The following EVC variants were observed in gnomAD, a reference collection of about 807,000 sequenced individuals.
EVC encodes the protein EvC ciliary complex subunit 1.
In EVC, 116 loss-of-function variants were observed where a neutral mutation model predicts 118.9. The ratio of observed to expected loss-of-function variants is 0.98; its 90% CI spans 0.84 to 1.14. EVC has a LOEUF of 1.14. Among genes scored for constraint, EVC ranks in the 50% most tolerant of loss-of-function variants. EVC has a pLI of 0.00. For missense variants in EVC, 1,401 were observed against 1,246.4 expected (o/e 1.12, Z -1.87); for synonymous variants, 619 against 534.7 (o/e 1.16, Z -2.18).
rs1728847392 is a variant in EVC, at chr4:5,743,064, G to A, written c.801+1250G>A. On this transcript the variant is annotated intron_variant, in intron 6 of 20. Transcript: ENST00000264956. The surrounding 1 kb of genome is among the most constrained non-coding windows in gnomAD (Gnocchi z 4.7). ...CAGGTTATTTAGAACTTTCTAAAAA[G>A]GGGACAGTAACTTCTGGGTTGTTGC... 1.3e-5 allele frequency among the ~76,000 whole-genome samples: 2 copies of A among 152,216 alleles called. No homozygotes were observed. The highest frequency in any genetic ancestry group is 4.1e-4 in the South Asian group (2 of 4,826).
intron 5 of EVC, among the ~76,000 whole-genome samples, chr4:5,736,821 C>T (rs2151966485): frequency 6.6e-6 from 1 of 152,300 alleles, no homozygotes; most frequent in Non-Finnish European, 1.5e-5. Context: ...TTGGGCCTCC[C>T]TATTTCTTGA....
Position 5,761,495 on chromosome 4 carries a change from C to T in EVC, c.1563+5133C>T, listed in dbSNP as rs914654404. Among the ~76,000 whole-genome samples the T allele has an allele frequency of 1.5e-3, 104 of 68,622 alleles. 1 individual carries two copies. The highest frequency in any genetic ancestry group is 5.9e-3 in the African/African-American group (99 of 16,890). The allele number at this position is 68,622 out of a possible 152,430, so 45.0% of individuals were successfully genotyped here. A position where few individuals can be genotyped will look rare whatever the true frequency, so the allele number is the denominator to read the frequency against. ...ATTTATACATTTTCCTTTAAAAAGG[C>T]GGGGGGCGGGGGGTGGTTGGGGGGT... On this transcript the variant is annotated intron_variant, in intron 11 of 20. Transcript: ENST00000264956.
At chr4:5,802,125 A>T (rs776357928) in intron 16 of EVC, 31 bp downstream of exon 16, 5 of 1,614,010 alleles carry the variant, frequency 3.1e-6, no homozygotes, top group Non-Finnish European at 3.4e-6. Flanking sequence ...GAAGCCCCAG[A>T]AGAGACTGGC....
At chr4:5,804,699 C>T (rs756379928) in intron 16 of EVC, 31 bp from the exon 17 acceptor site, 3 of 1,598,702 alleles carry the variant, frequency 1.9e-6, no homozygotes, top group Admixed American at 1.7e-5. Flanking sequence ...TCCAAACAGA[C>T]CCCTTGATTG....
rs143678893 is a variant in EVC at position 5,809,536 on chromosome 4, A to G, written c.2707A>G (p.Ile903Val). 263 of 1,614,214 alleles carry G rather than the reference A, an allele frequency of 1.6e-4. 1 individual carries two copies. In the African/African-American group the frequency reaches 2.9e-3, roughly 18 times the overall value. ...ATTTCAGGAAGCTGAACAGAACTTC[A>G]TCTCCGAGCTGGCAGCCTTGGCCCG... ...TQLQEAEQNF[I>V]SELAALARVP... The change falls in exon 19 of 21, where the codon ATC (isoleucine) becomes GTC (valine). Residue 903 changes from isoleucine (I) to valine (V), a missense_variant. Coordinates refer to ENST00000264956, the MANE Select transcript of EVC (RefSeq NM_153717.3).
At chr4:5,714,876 T>A (rs551874596) in intron 1 of EVC, among the ~76,000 whole-genome samples, 1 of 152,222 alleles carries the variant, frequency 6.6e-6, no homozygotes, top group Admixed American at 6.5e-5. Flanking sequence ...ATGATCACAG[T>A]TCACAGTAGC....
At chr4:5,729,062 G>T (rs1393891020) in intron 2 of EVC, among the ~76,000 whole-genome samples, 2 of 151,704 alleles carry the variant, frequency 1.3e-5, no homozygotes, top group Admixed American at 6.6e-5. Flanking sequence ...CCATCCACCT[G>T]TCTATCCATC....
Position 5,752,735 on chromosome 4 carries a change from A to T in EVC, c.1099-101A>T, listed in dbSNP as rs145351449. The T allele has an allele frequency of 1.1e-5, 13 of 1,182,140 alleles. No individual in the cohort carries two copies. The East Asian group carries it at 2.8e-4, about 25-fold the overall frequency. The allele number at this position is 1,182,140 out of a possible 1,614,324, so 73.2% of individuals were successfully genotyped here. A position where few individuals can be genotyped will look rare whatever the true frequency, so the allele number is the denominator to read the frequency against. On this transcript the variant is annotated intron_variant, in intron 8 of 20. Coordinates refer to ENST00000264956, the MANE Select transcript of EVC (RefSeq NM_153717.3). ...GAGCTCCGCTCTCCCAGGCAGTGCC[A>T]TTAGTTAATGACCCTGGTGGCTTCT...
At position 5,813,106 on chromosome 4, in the gene EVC, GTGGGCTC is replaced by G. The variant is rs1216485555; in HGVS notation, c.*2071_*2077del. ...CCTTCAGTTCCTCACCCATCAGCCA[GTGGGCTC>G]TCCAAAGTTAACCAACAGCTCCCTC... is the stretch of plus-strand genomic sequence containing the variant. On this transcript the variant is annotated 3_prime_UTR_variant, in exon 21 of 21. Coordinates refer to ENST00000264956, the MANE Select transcript of EVC (RefSeq NM_153717.3). 6.6e-6 allele frequency: 1 copy of G among 152,216 alleles called. No homozygotes were observed. Among genetic ancestry groups the G allele is most frequent in the African/African-American group, 2.4e-5 (1 of 41,442 alleles). 9.4% of individuals were successfully genotyped at this position (152,216 alleles called of 1,614,324 possible).
intron 13 of EVC, among the ~76,000 whole-genome samples, chr4:5,794,325 TTATATATATTTATATACTTA>T (rs1173485722): frequency 1.6e-4 from 22 of 135,242 alleles, no homozygotes; most frequent in Non-Finnish European, 2.6e-4. Flanking sequence ...TTATATATAT[TTATATATATTTATATACTTA>T]TATATATATT....
chr4:5,794,872 G>C (rs1713652479), intron 13 of EVC, among the ~76,000 whole-genome samples: 1 of 152,122 alleles, frequency 6.6e-6, no homozygotes, highest in Non-Finnish European at 1.5e-5. Flanking sequence ...GCACCCCATA[G>C]GTAGTTTTTT....
chr4:5,828,820 C>T, the EVC span: 2 of 995,424 alleles, frequency 2.0e-6, no homozygotes, highest in Non-Finnish European at 2.9e-6. Context: ...TAATATTCCA[C>T]TGTATGGTCC....
intron 2 of EVC, among the ~76,000 whole-genome samples, chr4:5,727,891 G>A (rs1370046764): frequency 2.1e-5 from 3 of 145,346 alleles, no homozygotes; most frequent in Non-Finnish European, 3.0e-5. Flanking sequence ...GTAGATATGC[G>A]GCATTATTTC....
At chr4:5,792,883 A>G (rs1208728137) in intron 12 of EVC, among the ~76,000 whole-genome samples, 1 of 152,224 alleles carries the variant, frequency 6.6e-6, no homozygotes, top group African/African-American at 2.4e-5. Context: ...CGTTTATAGA[A>G]TGTCATTGAA....
At chr4:5,801,782 G>A in intron 15 of EVC, 168 bp from the exon 16 acceptor site, 1 of 688,820 alleles carries the variant, frequency 1.5e-6, no homozygotes. Context: ...GGATTCCCAT[G>A]ACTAGTTTAA....
intron 12 of EVC, among the ~76,000 whole-genome samples, chr4:5,790,140 C>T (rs902823258): frequency 6.7e-6 from 1 of 148,570 alleles, no homozygotes; most frequent in South Asian, 2.1e-4. Context: ...GAGATCATAG[C>T]ACCTCACTCC....
intron 1 of EVC, among the ~76,000 whole-genome samples, chr4:5,713,256 G>A (rs1022225507): frequency 2.0e-5 from 3 of 152,146 alleles, no homozygotes; most frequent in Non-Finnish European, 2.9e-5. Flanking sequence ...TGATCCTTGC[G>A]ACAACCTTCT....
chr4:5,782,692 A>C (rs927726579), intron 11 of EVC, among the ~76,000 whole-genome samples: 1 of 151,964 alleles, frequency 6.6e-6, no homozygotes, highest in East Asian at 1.9e-4. Flanking sequence ...ATAAGACAAG[A>C]GGCAGGACAG....
At chr4:5,819,556 C>T in the EVC span, among the ~76,000 whole-genome samples, 1 of 152,196 alleles carries the variant, frequency 6.6e-6, no homozygotes, top group South Asian at 2.1e-4. Flanking sequence ...TGGACAGTGG[C>T]TCCCATGACC....
Sources: allele counts gnomAD v4.1 joint callset (sites outside exome capture counted in the v4.1 genomes callset), GRCh38; gene constraint gnomAD v4.1.1; non-coding constraint Gnocchi (gnomAD v3.1); transcripts MANE v1.5; gene names NCBI Gene and HGNC (gene_info 2026-07-23, HGNC 2026-07-21).